MBD5: variants seen among roughly 807,000 people sequenced by gnomAD.
MBD5 encodes the protein methyl-CpG binding domain protein 5.
In MBD5, 13 loss-of-function variants were observed where a neutral mutation model predicts 117.3. That is an observed-to-expected ratio of 0.11 (90% CI 0.07 to 0.18). MBD5 has a LOEUF of 0.18. Ranked by LOEUF, MBD5 falls within the 10% of genes least tolerant of loss-of-function variation. The pLI is 1.00. For missense variants in MBD5, 1,879 were observed against 2,093.8 expected (o/e 0.90, Z 2.00); for synonymous variants, 727 against 766.4 (o/e 0.95, Z 0.85).
chr2:148,449,422 G>T (rs1706659904), intron 4 of MBD5, among the ~76,000 whole-genome samples: 1 of 152,014 alleles, frequency 6.6e-6, no homozygotes, highest in South Asian at 2.1e-4. Flanking sequence ...AAAAGAACTG[G>T]ATATTATATG....
intron 1 of MBD5, among the ~76,000 whole-genome samples, chr2:148,119,065 A>T (rs939850679): frequency 6.6e-6 from 1 of 152,116 alleles, no homozygotes; most frequent in Non-Finnish European, 1.5e-5. Context: ...TGTTGGGTAA[A>T]TTTATATTTA....
intron 4 of MBD5, among the ~76,000 whole-genome samples, chr2:148,424,002 C>T (rs1705692544): frequency 6.6e-6 from 1 of 151,414 alleles, no homozygotes; most frequent in Non-Finnish European, 1.5e-5. Flanking sequence ...CACAGTGAAA[C>T]CCCATCTCTA....
At chr2:148,037,062 G>A (rs553189652) in intron 1 of MBD5, among the ~76,000 whole-genome samples, 20 of 152,026 alleles carry the variant, frequency 1.3e-4, no homozygotes, top group South Asian at 1.0e-3. Flanking sequence ...TGCTTAAGAC[G>A]TAGGGTTTTT....
intron 3 of MBD5, among the ~76,000 whole-genome samples, chr2:148,290,751 A>G (rs1275418487): frequency 6.6e-6 from 1 of 152,172 alleles, no homozygotes; most frequent in East Asian, 1.9e-4. Flanking sequence ...ATTTCATTTT[A>G]TTCATCAATT....
chr2:148,393,605 A>G (rs934830307), intron 4 of MBD5, among the ~76,000 whole-genome samples: 1 of 152,200 alleles, frequency 6.6e-6, no homozygotes, highest in Admixed American at 6.5e-5. Flanking sequence ...CAGTGCTTCT[A>G]AATTAACTAA....
intron 4 of MBD5, among the ~76,000 whole-genome samples, chr2:148,403,846 A>G (rs962845268): frequency 6.6e-6 from 1 of 152,142 alleles, no homozygotes; most frequent in Admixed American, 6.5e-5. Context: ...GCCATGGCCA[A>G]AAGGATCACT....
intron 11 of MBD5, among the ~76,000 whole-genome samples, chr2:148,498,674 C>T (rs561870348): frequency 3.9e-5 from 6 of 152,262 alleles, no homozygotes; most frequent in Non-Finnish European, 5.9e-5. Context: ...ACCTCTCTTT[C>T]GAGGGTTGGT....
At chr2:148,180,612 C>A (rs1297122773) in intron 2 of MBD5, among the ~76,000 whole-genome samples, 1 of 151,922 alleles carries the variant, frequency 6.6e-6, no homozygotes, top group Non-Finnish European at 1.5e-5. Flanking sequence ...GTCACTGCAG[C>A]ATCAACCTCC....
chr2:148,266,007 GGA>G (rs369391677), intron 3 of MBD5, among the ~76,000 whole-genome samples: 4 of 151,892 alleles, frequency 2.6e-5, no homozygotes, highest in East Asian at 3.9e-4. Context: ...AGATTGGGGT[GGA>G]GAGAGAGAGA....
In MBD5 at chr2:148,483,697, T is replaced by C; in HGVS notation, c.3106T>C (p.Leu1036=). Residue 1036 remains leucine (L), a synonymous_variant, in exon 9 of 14, where the codon TTG becomes CTG. Coordinates refer to ENST00000642680, the MANE Select transcript of MBD5 (RefSeq NM_001378120.1). Reference sequence around the variant, plus strand: ...ACAGATGACAGCCCCACCAGACCATTTGCCAAGCAATCAGTCAGACAACAG... The same window carrying C: ...ACAGATGACAGCCCCACCAGACCATCTGCCAAGCAATCAGTCAGACAACAG... ...LTQMTAPPDH[L]PSNQSDNSRA... The C allele has an allele frequency of 6.4e-7, 1 of 1,550,588 alleles. No individual in the cohort carries two copies. Among genetic ancestry groups the C allele is most frequent in the African/African-American group, 1.4e-5 (1 of 73,144 alleles).
At chr2:148,127,843 CCCA>C (rs1403953898) in intron 1 of MBD5, among the ~76,000 whole-genome samples, 9 of 152,326 alleles carry the variant, frequency 5.9e-5, no homozygotes, top group East Asian at 3.9e-4. Flanking sequence ...AATTTACACT[CCCA>C]CCAACAGTGT....
intron 3 of MBD5, among the ~76,000 whole-genome samples, chr2:148,311,385 C>G (rs143214448): frequency 4.9e-4 from 74 of 152,264 alleles, no homozygotes; most frequent in African/African-American, 1.8e-3. Flanking sequence ...TTGCATTGAT[C>G]CTTTTACCAT....
At chr2:148,070,126 T>C (rs1695311177) in intron 1 of MBD5, among the ~76,000 whole-genome samples, 1 of 152,182 alleles carries the variant, frequency 6.6e-6, no homozygotes, top group South Asian at 2.1e-4. Context: ...ACTTAGCCTC[T>C]GGTTACTATC....
intron 4 of MBD5, among the ~76,000 whole-genome samples, chr2:148,454,666 G>T: frequency 6.6e-6 from 1 of 152,082 alleles, no homozygotes; most frequent in East Asian, 1.9e-4. Flanking sequence ...GGAAAATGGG[G>T]TGAGGGTGAG....
intron 1 of MBD5, among the ~76,000 whole-genome samples, chr2:148,060,131 G>T (rs1490212614): frequency 3.0e-4 from 2 of 6,674 alleles, no homozygotes; most frequent in Non-Finnish European, 5.7e-4. Context: ...TACAAAAAGT[G>T]CAAAAAAAAA....
intron 4 of MBD5, among the ~76,000 whole-genome samples, chr2:148,455,004 T>C (rs1297472613): frequency 6.6e-6 from 1 of 152,130 alleles, no homozygotes; most frequent in African/African-American, 2.4e-5. Flanking sequence ...TAGCTTTCCA[T>C]TTGTTTGTAT....
chr2:148,330,565 G>A (rs1702619284), intron 3 of MBD5: 1 of 152,078 alleles, frequency 6.6e-6, no homozygotes, highest in African/African-American at 2.4e-5. Context: ...TTTCTTAAAG[G>A]AAAAAGGATG....
At chr2:148,424,152 T>C (rs1705697859) in intron 4 of MBD5, among the ~76,000 whole-genome samples, 1 of 104,736 alleles carries the variant, frequency 9.5e-6, no homozygotes, top group Non-Finnish European at 1.8e-5. Flanking sequence ...CACTCCAGCC[T>C]GGGCAACAGA....
rs540377821 is a variant in MBD5 at position 148,342,622 on chromosome 2, T to C, written c.-557+286T>C. 5.9e-5 allele frequency among the ~76,000 whole-genome samples: 9 copies of C among 152,150 alleles called. No homozygotes were observed. The South Asian group carries it at 1.9e-3, about 32-fold the overall frequency. ...ATTTTGTTATATCTTCCTGAATTTA[T>C]TTTTATATATGTGTATTATGTATAA... On this transcript the variant is annotated intron_variant, in intron 4 of 13. Coordinates refer to ENST00000642680, the MANE Select transcript of MBD5 (RefSeq NM_001378120.1).
Sources: allele counts gnomAD v4.1 joint callset (sites outside exome capture counted in the v4.1 genomes callset), GRCh38; gene constraint gnomAD v4.1.1; transcripts MANE v1.5; gene names NCBI Gene and HGNC (gene_info 2026-07-23, HGNC 2026-07-21).